The following HIPK2 variants were observed in gnomAD, a reference collection of about 807,000 sequenced individuals.
HIPK2 encodes the protein homeodomain interacting protein kinase 2, also known as homeodomain-interacting protein kinase 2.
Under a neutral mutation model 113.7 loss-of-function variants are expected in HIPK2, and 27 were observed. That is an observed-to-expected ratio of 0.24 (90% confidence interval 0.17 to 0.33). The LOEUF (loss-of-function observed/expected upper bound fraction) is 0.33. Ranked by LOEUF, HIPK2 falls within the 10% of genes least tolerant of loss-of-function variation. HIPK2 has a pLI of 1.00. For missense variants in HIPK2, 1,257 were observed against 1,588.0 expected (o/e 0.79, Z 3.54); for synonymous variants, 631 against 642.2 (o/e 0.98, Z 0.26).
At position 139,613,326 on chromosome 7, in the gene HIPK2, G is replaced by C; in HGVS notation, c.1991-3C>G. The stretch of plus-strand genomic sequence containing the variant: ...CTTAGAGGGAGAGGCCTGCAAGCCT[G>C]TTCCAGACAGTGTGAGGGAGAGAAG... On this transcript the variant is annotated splice_region_variant and splice_polypyrimidine_tract_variant and intron_variant, in intron 8 of 14. Transcript: ENST00000406875. The surrounding 1 kb of genome is among the most constrained non-coding windows in gnomAD (Gnocchi z 4.2). 1 of 1,613,078 alleles carries C rather than the reference G, an allele frequency of 6.2e-7. No homozygotes were observed. The highest frequency in any genetic ancestry group is 8.5e-7 in the Non-Finnish European group (1 of 1,179,534).
At chr7:139,728,961 T>C (rs1795677513) in intron 1 of HIPK2, among the ~76,000 whole-genome samples, 1 of 152,192 alleles carries the variant, frequency 6.6e-6, no homozygotes, top group African/African-American at 2.4e-5. Flanking sequence ...GTTACAACGC[T>C]TCTGAAAAAG....
At chr7:139,689,117 C>T (rs1303550667) in intron 2 of HIPK2, among the ~76,000 whole-genome samples, 1 of 152,160 alleles carries the variant, frequency 6.6e-6, no homozygotes. Context: ...CTGGAGACGC[C>T]CGATGAGTGC....
chr7:139,711,473 T>C (rs192496115), intron 2 of HIPK2, among the ~76,000 whole-genome samples: 42 of 152,268 alleles, frequency 2.8e-4, no homozygotes, highest in African/African-American at 9.4e-4. Flanking sequence ...TTATTTGCTA[T>C]TTTTCATGTC....
intron 1 of HIPK2, among the ~76,000 whole-genome samples, chr7:139,739,548 C>A (rs963288334): frequency 9.3e-5 from 14 of 151,290 alleles, no homozygotes; most frequent in Non-Finnish European, 2.1e-4. Context: ...GATTGTACTG[C>A]TGCACTCCAG....
intron 2 of HIPK2, among the ~76,000 whole-genome samples, chr7:139,633,521 A>G (rs1284933610): frequency 2.0e-5 from 3 of 152,254 alleles, no homozygotes; most frequent in Admixed American, 2.0e-4. Context: ...CACAAGTAAA[A>G]TGGAGTTTGG....
chr7:139,737,100 C>T (rs1245404251), intron 1 of HIPK2, among the ~76,000 whole-genome samples: 1 of 152,182 alleles, frequency 6.6e-6, no homozygotes, highest in Non-Finnish European at 1.5e-5. Flanking sequence ...TCCATTTCCA[C>T]TCTCTCTGCA....
At chr7:139,715,723 G>C (rs540308190) in intron 2 of HIPK2, among the ~76,000 whole-genome samples, 2 of 152,350 alleles carry the variant, frequency 1.3e-5, no homozygotes, top group Admixed American at 1.3e-4. Flanking sequence ...GAACACCTGT[G>C]CCACGGATCT....
At chr7:139,711,427 CA>C (rs552942209) in intron 2 of HIPK2, among the ~76,000 whole-genome samples, 12 of 143,874 alleles carry the variant, frequency 8.3e-5, no homozygotes, top group African/African-American at 2.0e-4. Flanking sequence ...GACTCCGTCT[CA>C]AAAAAAAAAG....
At chr7:139,675,626 A>C (rs1275548251) in intron 2 of HIPK2, among the ~76,000 whole-genome samples, 1 of 152,216 alleles carries the variant, frequency 6.6e-6, no homozygotes, top group Non-Finnish European at 1.5e-5. Flanking sequence ...ACAGTTACAA[A>C]GTTGATGTCA....
At chr7:139,633,818 G>A (rs1055935196) in intron 2 of HIPK2, among the ~76,000 whole-genome samples, 4 of 152,052 alleles carry the variant, frequency 2.6e-5, no homozygotes, top group African/African-American at 9.7e-5. Flanking sequence ...GGTGGCGCAG[G>A]TCTGTAATCC....
At chr7:139,722,242 T>C (rs1340845971) in intron 1 of HIPK2, among the ~76,000 whole-genome samples, 3 of 152,196 alleles carry the variant, frequency 2.0e-5, no homozygotes, top group Non-Finnish European at 2.9e-5. Context: ...ATAGCACCTA[T>C]AAAACTGACA....
At position 139,614,340 on chromosome 7, in the gene HIPK2, C is replaced by T. The variant is rs748240698; in HGVS notation, c.1936G>A (p.Ala646Thr). ...PLQTGTAQIC[A>T]RPDPFQQALI... ...GCTTGCTGGAACGGGTCAGGCCGGGCACAAATCTGGGCTGTTCCTGTCTGC... is the reference window on the plus strand; with the variant it reads ...GCTTGCTGGAACGGGTCAGGCCGGGTACAAATCTGGGCTGTTCCTGTCTGC... Residue 646 changes from alanine to threonine, a missense_variant, in exon 8 of 15, where the codon GCC becomes ACC. Physicochemically the swap from Ala to Thr is moderately conservative, Grantham distance 58. Transcript: ENST00000406875. 6.3e-7 allele frequency: 1 copy of T among 1,575,394 alleles called. No individual in the cohort carries two copies. The highest frequency in any genetic ancestry group is 1.2e-5 in the South Asian group (1 of 86,914).
chr7:139,716,378 C>G lies in HIPK2; in HGVS notation c.657G>C (p.Arg219=). Residue 219 remains arginine, a synonymous_variant, in exon 2 of 15, where the codon CGG becomes CGC. Transcript: ENST00000406875. The surrounding 1 kb of genome is among the most constrained non-coding windows in gnomAD (Gnocchi z 9.3). ...TGATGGCTACGATCTCATTGGTGCC[C>G]CGTTTCCAGCACTTGACCACTTGCC... ...TFGQVVKCWK[R]GTNEIVAIKI... 5 of 1,614,064 alleles carry G rather than the reference C, an allele frequency of 3.1e-6. No individual in the cohort carries two copies. The highest frequency in any genetic ancestry group is 4.2e-6 in the Non-Finnish European group (5 of 1,179,988).
At chr7:139,724,527 T>G (rs1279681647) in intron 1 of HIPK2, among the ~76,000 whole-genome samples, 1 of 152,128 alleles carries the variant, frequency 6.6e-6, no homozygotes, top group Non-Finnish European at 1.5e-5. Flanking sequence ...TCTACAGAAT[T>G]CTTTTTTTTT....
intron 1 of HIPK2, among the ~76,000 whole-genome samples, chr7:139,773,870 CATACTTGGGG>C (rs749478481): frequency 5.3e-5 from 8 of 152,210 alleles, no homozygotes; most frequent in South Asian, 2.1e-4. Context: ...GGTTATCTTT[CATACTTGGGG>C]ATACTTTCCA....
chr7:139,763,763 C>CA lies in HIPK2; in HGVS notation c.19+13841dup, dbSNP rs538904578. Among the ~76,000 whole-genome samples, 21 of 152,348 alleles carry CA rather than the reference C, an allele frequency of 1.4e-4. No individual in the cohort carries two copies. The South Asian group carries it at 4.3e-3, about 32-fold the overall frequency. ...TGTTTGTAACCCCAAAGTCAATACT[C>CA]AGAGCACTTTTGGTCATGCCTGCGC... On this transcript the variant is annotated intron_variant, in intron 1 of 14. Coordinates refer to ENST00000406875, the MANE Select transcript of HIPK2 (RefSeq NM_022740.5).
At chr7:139,595,373 A>C (rs1472800819) in intron 12 of HIPK2, among the ~76,000 whole-genome samples, 1 of 152,138 alleles carries the variant, frequency 6.6e-6, no homozygotes, top group Non-Finnish European at 1.5e-5. Flanking sequence ...GGCACTGCGG[A>C]GAATGGACCA....
At position 139,613,115 on chromosome 7, in the gene HIPK2, A is replaced by C. The variant is rs1799895216; in HGVS notation, c.2112+87T>G. ...AGAAGCACCTAACTCATTACTAGGGAGAGAGGGAGTGGAGATATATATCTT... is the reference window on the plus strand; with the variant it reads ...AGAAGCACCTAACTCATTACTAGGGCGAGAGGGAGTGGAGATATATATCTT... On this transcript the variant is annotated intron_variant, in intron 9 of 14. Coordinates refer to ENST00000406875, the MANE Select transcript of HIPK2 (RefSeq NM_022740.5). This position sits in a 1 kb window ranked among gnomAD's most constrained non-coding sequence, Gnocchi z 4.2. 2 of 1,495,402 alleles carry C rather than the reference A, an allele frequency of 1.3e-6. No individual in the cohort carries two copies. The highest frequency in any genetic ancestry group is 9.1e-7 in the Non-Finnish European group (1 of 1,095,748). 92.6% of individuals were successfully genotyped at this position (1,495,402 alleles called of 1,614,324 possible). A position where few individuals can be genotyped will look rare whatever the true frequency, so the allele number is the denominator to read the frequency against.
At chr7:139,575,070 C>A in intron 14 of HIPK2, 58 bp downstream of exon 14, 1 of 1,522,178 alleles carries the variant, frequency 6.6e-7, no homozygotes. Flanking sequence ...CTCTCTGAAG[C>A]GGAAGGATGA....
Sources: allele counts gnomAD v4.1 joint callset (sites outside exome capture counted in the v4.1 genomes callset), GRCh38; gene constraint gnomAD v4.1.1; non-coding constraint Gnocchi (gnomAD v3.1); transcripts MANE v1.5; gene names NCBI Gene and HGNC (gene_info 2026-07-23, HGNC 2026-07-21).